CCSER2: variants seen among roughly 807,000 people sequenced by gnomAD.
CCSER2 encodes the protein serine-rich coiled-coil domain-containing protein 2.
Under a neutral mutation model 92.3 loss-of-function variants are expected in CCSER2, and 46 were observed. That is an observed-to-expected ratio of 0.50 (90% CI 0.39 to 0.64). The LOEUF (loss-of-function observed/expected upper bound fraction) is 0.64, where lower values mean the gene tolerates loss of function less well. Ranked by LOEUF, CCSER2 falls within the 30% of genes least tolerant of loss-of-function variation. CCSER2 has a pLI of 0.00. For synonymous variants in CCSER2, 433 were observed against 431.4 expected, an observed-to-expected ratio of 1.00 and a Z score of -0.04; for missense variants, 1,244 against 1,238.9, an observed-to-expected ratio of 1.00 and a Z score of -0.06.
Position 84,371,715 on chromosome 10 carries a change from A to G in CCSER2, c.663A>G (p.Ser221=), listed in dbSNP as rs924849888. ...TTAATTGTGAAAAAATGGTAAGGTC[A>G]CAAAGTTTTTCACATTCCATTCAGA... ...KSINCEKMVR[S]QSFSHSIQNS... Residue 221 remains serine (S), a synonymous_variant, in exon 2 of 10, where the codon TCA becomes TCG. Transcript: ENST00000372088. 1.2e-6 allele frequency: 2 copies of G among 1,613,542 alleles called. No homozygotes were observed. Among genetic ancestry groups the G allele is most frequent in the Non-Finnish European group, 1.7e-6 (2 of 1,179,858 alleles).
At chr10:84,473,332 C>A (rs966206016) in intron 8 of CCSER2, among the ~76,000 whole-genome samples, 4 of 152,108 alleles carry the variant, frequency 2.6e-5, no homozygotes, top group African/African-American at 7.2e-5. Context: ...AGCATGTTTA[C>A]AAATTGCAGA....
chr10:84,476,337 T>A (rs1465052801), intron 8 of CCSER2, among the ~76,000 whole-genome samples: 1 of 152,106 alleles, frequency 6.6e-6, no homozygotes. Flanking sequence ...ATCAAGAATT[T>A]TTTAGTTTCC....
chr10:84,454,411 T>G (rs1845480949), intron 6 of CCSER2, among the ~76,000 whole-genome samples: 1 of 152,202 alleles, frequency 6.6e-6, no homozygotes, highest in South Asian at 2.1e-4. Flanking sequence ...CATGAATTTC[T>G]AGGGGGTACA....
intron 6 of CCSER2, among the ~76,000 whole-genome samples, chr10:84,463,097 A>T (rs1038880128): frequency 6.6e-6 from 1 of 152,206 alleles, no homozygotes; most frequent in Non-Finnish European, 1.5e-5. Flanking sequence ...TTTCTGAACC[A>T]TTGAGCATGT....
At chr10:84,462,519 T>C (rs1846161620) in intron 6 of CCSER2, among the ~76,000 whole-genome samples, 1 of 152,204 alleles carries the variant, frequency 6.6e-6, no homozygotes. Flanking sequence ...AGATGAACTT[T>C]TTACTGAGAT....
chr10:84,348,582 G>A (rs900478041), intron 1 of CCSER2, among the ~76,000 whole-genome samples: 5 of 152,206 alleles, frequency 3.3e-5, no homozygotes, highest in Admixed American at 1.3e-4. Context: ...AGTATGTTGT[G>A]TATGTTCCTT....
intron 3 of CCSER2, among the ~76,000 whole-genome samples, chr10:84,408,951 AAAT>A (rs2133352259): frequency 1.3e-5 from 2 of 152,294 alleles, no homozygotes; most frequent in Middle Eastern, 6.8e-3. Context: ...TAAATCAAAA[AAAT>A]AAAAATCTCA....
chr10:84,448,059 G>A (rs930135297), intron 6 of CCSER2, among the ~76,000 whole-genome samples: 3 of 152,020 alleles, frequency 2.0e-5, no homozygotes, highest in African/African-American at 7.3e-5. Context: ...CTGCTTGTCA[G>A]CCCATTGGAC....
intron 6 of CCSER2, among the ~76,000 whole-genome samples, chr10:84,441,061 G>T (rs1411402713): frequency 6.6e-6 from 1 of 152,154 alleles, no homozygotes; most frequent in East Asian, 1.9e-4. Flanking sequence ...TTGGCATTTA[G>T]TAGGCTCTTT....
intron 6 of CCSER2, among the ~76,000 whole-genome samples, chr10:84,451,422 A>C (rs540893403): frequency 6.6e-6 from 1 of 152,240 alleles, no homozygotes; most frequent in South Asian, 2.1e-4. Context: ...CTGGGACTAC[A>C]GGCACGTGCC....
At chr10:84,417,303 T>C (rs1842935307) in intron 3 of CCSER2, among the ~76,000 whole-genome samples, 1 of 152,010 alleles carries the variant, frequency 6.6e-6, no homozygotes, top group South Asian at 2.1e-4. Context: ...GAGTGCTTAA[T>C]GGTAACAGGA....
chr10:84,364,970 G>C (rs551288642), intron 1 of CCSER2, among the ~76,000 whole-genome samples: 168 of 152,122 alleles, frequency 1.1e-3, no homozygotes, highest in Non-Finnish European at 6.3e-4. Flanking sequence ...TCGAACTCCT[G>C]ACCTCAGGTG....
At chr10:84,340,752 A>G (rs1486740694) in intron 1 of CCSER2, among the ~76,000 whole-genome samples, 3 of 151,542 alleles carry the variant, frequency 2.0e-5, no homozygotes, top group Non-Finnish European at 4.4e-5. Flanking sequence ...TTTCTCTGTC[A>G]CCATCTTACA....
chr10:84,339,889 T>A (rs1589386567), intron 1 of CCSER2, among the ~76,000 whole-genome samples: 1 of 152,200 alleles, frequency 6.6e-6, no homozygotes, highest in South Asian at 2.1e-4. Flanking sequence ...TCGCCCAGTC[T>A]GGAGTGCAAA....
intron 3 of CCSER2, among the ~76,000 whole-genome samples, chr10:84,387,145 C>T (rs1411818568): frequency 6.6e-6 from 1 of 152,152 alleles, no homozygotes; most frequent in African/African-American, 2.4e-5. Flanking sequence ...GCCTACATTC[C>T]CAGGCTAAGA....
At position 84,368,657 on chromosome 10, in the gene CCSER2, A is replaced by T. The variant is rs76193840; in HGVS notation, c.-39-2357A>T. Among the ~76,000 whole-genome samples the T allele has an allele frequency of 3.2e-4, 48 of 152,182 alleles. 1 individual carries two copies. The highest frequency in any genetic ancestry group is 5.0e-4 in the Non-Finnish European group (34 of 67,980). ...TTTTATAAAACCATGTATTTTTTTA[A>T]AAAAATAATATGTTCTTTAATTACC... is the stretch of plus-strand genomic sequence containing the variant. On this transcript the variant is annotated intron_variant, in intron 1 of 9. Coordinates refer to ENST00000372088, the MANE Select transcript of CCSER2 (RefSeq NM_001284240.2).
At chr10:84,411,951 T>C (rs976820266) in intron 3 of CCSER2, among the ~76,000 whole-genome samples, 2 of 152,214 alleles carry the variant, frequency 1.3e-5, no homozygotes, top group Admixed American at 1.3e-4. Context: ...GGGTTTGTCA[T>C]ATATGGCTCT....
chr10:84,423,450 G>A (rs1374549800), intron 4 of CCSER2, among the ~76,000 whole-genome samples: 4 of 152,160 alleles, frequency 2.6e-5, no homozygotes, highest in Admixed American at 2.0e-4. Context: ...GTCTATATGT[G>A]GAGCCCATAA....
chr10:84,453,936 A>G (rs1414408398), intron 6 of CCSER2, among the ~76,000 whole-genome samples: 1 of 152,018 alleles, frequency 6.6e-6, no homozygotes, highest in Non-Finnish European at 1.5e-5. Flanking sequence ...GTTGAGATTT[A>G]TCTGGTGTTT....
Sources: allele counts gnomAD v4.1 joint callset (sites outside exome capture counted in the v4.1 genomes callset), GRCh38; gene constraint gnomAD v4.1.1; transcripts MANE v1.5; gene names NCBI Gene and HGNC (gene_info 2026-07-23, HGNC 2026-07-21).